Variants in PABIR3 observed in about 807,000 individuals in gnomAD.
PABIR3 encodes PABIR family member 1.
A neutral mutation model predicts 23.1 loss-of-function variants in PABIR3; 20 were observed. The ratio of observed to expected loss-of-function variants is 0.86; its 90% confidence interval spans 0.61 to 1.26. The LOEUF (loss-of-function observed/expected upper bound fraction) is 1.26, where lower values mean the gene tolerates loss of function less well. Ranked by LOEUF, PABIR3 falls within the 50% of genes most tolerant of loss-of-function variation. The pLI, the probability that PABIR3 is intolerant of heterozygous loss-of-function variation, is 0.00. For missense variants in PABIR3, 189 were observed against 195.4 expected (o/e 0.97, Z 0.20); for synonymous variants, 69 against 68.5 (o/e 1.01, Z -0.04).
Position 134,833,761 on chromosome X carries a change from T to C in PABIR3, c.246+4479T>C, listed in dbSNP as rs781022212. On this transcript the variant is annotated intron_variant, in intron 4 of 10. Transcript: ENST00000645433. ...CAACTCCCACTTAGGAGTGAGGACATGCATTGTTTGGTTTTCCGTTCCTGT... is the reference window on the plus strand; with the variant it reads ...CAACTCCCACTTAGGAGTGAGGACACGCATTGTTTGGTTTTCCGTTCCTGT... 1.4e-4 allele frequency among the ~76,000 whole-genome samples: 16 copies of C among 110,669 alleles called. No individual in the cohort carries two copies. The South Asian group carries it at 5.5e-3, about 38-fold the overall frequency.
At chrX:134,803,080 G>C (rs891757563), upstream of PABIR3, among the ~76,000 whole-genome samples, 2 of 112,415 alleles carry the variant, frequency 1.8e-5, no homozygotes, top group African/African-American at 6.5e-5. Context: ...TGGCGCAGGT[G>C]GTAAAGGAAT....
the PABIR3 span, among the ~76,000 whole-genome samples, chrX:134,863,867 C>T: frequency 9.0e-6 from 1 of 111,003 alleles, no homozygotes; most frequent in African/African-American, 3.3e-5. Flanking sequence ...TAATACTGAG[C>T]CCAACGACTT....
intron 3 of PABIR3, among the ~76,000 whole-genome samples, chrX:134,825,828 C>CT (rs61066719): frequency 0.024 from 1,753 of 73,789 alleles, 67 homozygotes; most frequent in African/African-American, 0.065. Flanking sequence ...ACGCCCGGAT[C>CT]TTTTTTTTTT....
intron 4 of PABIR3, chrX:134,834,210 C>G (rs1217380598): frequency 8.9e-6 from 1 of 112,439 alleles, no homozygotes; most frequent in Non-Finnish European, 1.9e-5. Flanking sequence ...CATCGCCATT[C>G]TGACTGGCAT....
intron 2 of PABIR3, chrX:134,810,135 G>T (rs1028097041): frequency 1.3e-6 from 1 of 752,127 alleles, no homozygotes; most frequent in South Asian, 6.8e-5. Context: ...GCAAATAGAC[G>T]ATGGAAGATG....
intron 8 of PABIR3, among the ~76,000 whole-genome samples, chrX:134,848,518 T>G (rs2082514776): frequency 8.9e-6 from 1 of 112,240 alleles, no homozygotes; most frequent in Admixed American, 9.5e-5. Context: ...CTAACCAAGT[T>G]TGTTAATAAG....
At chrX:134,799,413 T>C (rs1419955608) in intron 1 of PABIR3, among the ~76,000 whole-genome samples, 1 of 112,653 alleles carries the variant, frequency 8.9e-6, no homozygotes, top group Non-Finnish European at 1.9e-5. Context: ...ACCAGATTAA[T>C]ATCTTAAGAA....
At chrX:134,836,930 G>A (rs768912604) in intron 4 of PABIR3, among the ~76,000 whole-genome samples, 2 of 111,788 alleles carry the variant, frequency 1.8e-5, no homozygotes, top group African/African-American at 3.2e-5. Context: ...TGAGCTGGGC[G>A]TGGTGGTTCG....
chrX:134,800,891 C>T (rs1174575669), intron 1 of PABIR3, among the ~76,000 whole-genome samples: 2 of 112,084 alleles, frequency 1.8e-5, no homozygotes, highest in Non-Finnish European at 3.8e-5. Context: ...TAGAACTGCC[C>T]GAAAGGTAAC....
At chrX:134,804,300 A>G, upstream of PABIR3, 1 of 976,711 alleles carries the variant, frequency 1.0e-6, no homozygotes, top group South Asian at 2.1e-5. Flanking sequence ...CAATTTCTTT[A>G]ATGTTGTGTT....
the PABIR3 span, among the ~76,000 whole-genome samples, chrX:134,861,085 G>A: frequency 3.6e-5 from 4 of 111,056 alleles, no homozygotes; most frequent in Admixed American, 2.9e-4. Context: ...GACCAGCCTG[G>A]CCAATATGGT....
At chrX:134,832,682 C>T (rs780884786) in intron 4 of PABIR3, among the ~76,000 whole-genome samples, 3 of 111,066 alleles carry the variant, frequency 2.7e-5, no homozygotes, top group South Asian at 7.7e-4. Context: ...GGATTACAGG[C>T]GTGAGCCACC....
intron 2 of PABIR3, among the ~76,000 whole-genome samples, chrX:134,813,972 GTT>G (rs746765171): frequency 3.1e-5 from 3 of 96,939 alleles, no homozygotes. Context: ...GAATCTGGGT[GTT>G]TTTTTTTTTT....
chrX:134,829,608 T>TG (rs1303086818), intron 4 of PABIR3, among the ~76,000 whole-genome samples: 5 of 112,319 alleles, frequency 4.5e-5, no homozygotes, highest in Non-Finnish European at 9.4e-5. Flanking sequence ...TATTATTTTT[T>TG]TAACCCTCAG....
intron 4 of PABIR3, among the ~76,000 whole-genome samples, chrX:134,834,430 T>C (rs1233158639): frequency 8.9e-6 from 1 of 112,264 alleles, no homozygotes; most frequent in African/African-American, 3.2e-5. Flanking sequence ...GATGGGTAGA[T>C]TGCAAAACTT....
chrX:134,841,010 G>A (rs1278465528), intron 4 of PABIR3, among the ~76,000 whole-genome samples: 1 of 110,770 alleles, frequency 9.0e-6, no homozygotes, highest in Non-Finnish European at 1.9e-5. Flanking sequence ...CCAGGCTGGA[G>A]TGCAGTGGCA....
intron 4 of PABIR3, among the ~76,000 whole-genome samples, chrX:134,837,588 C>G (rs964485063): frequency 8.9e-6 from 1 of 112,001 alleles, no homozygotes; most frequent in Non-Finnish European, 1.9e-5. Flanking sequence ...GTATACTGTA[C>G]TCTGCTTCTT....
In PABIR3 at chrX:134,807,653, G is replaced by A. The variant is rs749433780; in HGVS notation, c.55G>A (p.Ala19Thr). The change falls in exon 2 of 11, where the codon GCA (alanine) becomes ACA (threonine). Residue 19 changes from alanine to threonine, a missense_variant. Ala to Thr is a moderately conservative substitution (Grantham distance 58). Coordinates refer to ENST00000645433, the MANE Select transcript of PABIR3 (RefSeq NM_001388447.1). ...CAAGTCGCTGCCGAGTTCCACTACC[G>A]CAGACGGCAACATTCTGAGAAGAGT... ...GFKSLPSSTT[A>T]DGNILRRVNS... 1 of 1,207,313 alleles carries A rather than the reference G, an allele frequency of 8.3e-7. No individual in the cohort carries two copies. The highest frequency in any genetic ancestry group is 1.8e-5 in the African/African-American group (1 of 57,054).
chrX:134,855,473 AT>A (rs1316989943), downstream of PABIR3, among the ~76,000 whole-genome samples: 6 of 111,803 alleles, frequency 5.4e-5, no homozygotes, highest in Non-Finnish European at 9.4e-5. Flanking sequence ...GCTTTAAGTA[AT>A]TGGGGGTAGT....
Sources: allele counts gnomAD v4.1 joint callset (sites outside exome capture counted in the v4.1 genomes callset), GRCh38; gene constraint gnomAD v4.1.1; transcripts MANE v1.5; gene names NCBI Gene and HGNC (gene_info 2026-07-23, HGNC 2026-07-21).